Variants in EPB41L4B observed in about 807,000 individuals in gnomAD.
EPB41L4B encodes erythrocyte membrane protein band 4.1 like 4B.
In EPB41L4B, 30 loss-of-function variants were observed where a neutral mutation model predicts 112.5. The observed-to-expected ratio is 0.27, with a 90% confidence interval of 0.20 to 0.36. The LOEUF is 0.36. Ranked by LOEUF, EPB41L4B falls within the 10% of genes least tolerant of loss-of-function variation. The probability of loss-of-function intolerance (pLI) is 1.00; values close to 1 mark genes in which losing one functional copy is unlikely to be tolerated. For missense variants in EPB41L4B, 1,024 were observed against 1,133.3 expected (o/e 0.90, Z 1.38); for synonymous variants, 408 against 439.7 (o/e 0.93, Z 0.90).
intron 1 of EPB41L4B, among the ~76,000 whole-genome samples, 188 bp downstream of exon 1, chr9:109,319,953 G>A (rs1029166908): frequency 6.6e-6 from 1 of 152,142 alleles, no homozygotes; most frequent in Non-Finnish European, 1.5e-5. Flanking sequence ...CCAAAGGTGG[G>A]GCCCCGGAAG....
chr9:109,301,493 G>A (rs905244813), intron 1 of EPB41L4B, among the ~76,000 whole-genome samples: 1 of 152,052 alleles, frequency 6.6e-6, no homozygotes, highest in East Asian at 1.9e-4. Flanking sequence ...AAGTTCCTGG[G>A]AGTCCCCTTC....
At chr9:109,314,228 G>A (rs574259230) in intron 1 of EPB41L4B, among the ~76,000 whole-genome samples, 9 of 152,342 alleles carry the variant, frequency 5.9e-5, no homozygotes, top group East Asian at 3.9e-4. Flanking sequence ...GATGGAACAC[G>A]TGTTTTGAGG....
intron 15 of EPB41L4B, among the ~76,000 whole-genome samples, chr9:109,226,202 T>C (rs1367228551): frequency 6.6e-6 from 1 of 152,130 alleles, no homozygotes; most frequent in Admixed American, 6.5e-5. Context: ...GGCTTTTACA[T>C]AGGTTTGGTC....
At chr9:109,200,878 T>C (rs933211587) in intron 19 of EPB41L4B, among the ~76,000 whole-genome samples, 2 of 152,186 alleles carry the variant, frequency 1.3e-5, no homozygotes, top group Admixed American at 6.5e-5. Flanking sequence ...CATGTATGTG[T>C]GAAAATGCTA....
chr9:109,253,363 T>G, intron 12 of EPB41L4B, 78 bp downstream of exon 12: 1 of 988,394 alleles, frequency 1.0e-6, no homozygotes, highest in Non-Finnish European at 1.6e-6. Flanking sequence ...CTTCATAAGC[T>G]GCTTGACCAA....
chr9:109,284,681 C>T (rs567382755), intron 1 of EPB41L4B, among the ~76,000 whole-genome samples: 1 of 152,308 alleles, frequency 6.6e-6, no homozygotes, highest in East Asian at 1.9e-4. Flanking sequence ...GCACTGAGAT[C>T]GGAGGCGTGA....
chr9:109,321,010 C>T lies in EPB41L4B; in HGVS notation c.-564G>A. 1 of 174,160 alleles carries T rather than the reference C, an allele frequency of 5.7e-6. No individual in the cohort carries two copies. The highest frequency in any genetic ancestry group is 1.2e-5 in the Non-Finnish European group (1 of 85,194). 10.8% of individuals were successfully genotyped at this position (174,160 alleles called of 1,614,324 possible). A position where few individuals can be genotyped will look rare whatever the true frequency, so the allele number is the denominator to read the frequency against. On this transcript the variant is annotated 5_prime_UTR_variant, in exon 1 of 26. Coordinates refer to ENST00000374566, the MANE Select transcript of EPB41L4B (RefSeq NM_019114.5). ...CCCACCTGGGAGGCTGCACCTCCAG[C>T]CGCCGCCGCCGCCGCCGCCGCCGCT...
intron 1 of EPB41L4B, among the ~76,000 whole-genome samples, chr9:109,286,112 C>T (rs1424480150): frequency 2.1e-5 from 3 of 145,954 alleles, no homozygotes; most frequent in East Asian, 4.1e-4. Context: ...ACACAGCAGG[C>T]GCTCCATAAA....
At chr9:109,293,399 T>C (rs1836608321) in intron 1 of EPB41L4B, among the ~76,000 whole-genome samples, 2 of 147,382 alleles carry the variant, frequency 1.4e-5, no homozygotes, top group East Asian at 4.0e-4. Flanking sequence ...TTTTTTTCCT[T>C]GAGACGGAGT....
At chr9:109,238,922 G>T (rs377047670) in intron 15 of EPB41L4B, among the ~76,000 whole-genome samples, 1 of 152,242 alleles carries the variant, frequency 6.6e-6, no homozygotes, top group African/African-American at 2.4e-5. Context: ...ACAGTAGGGT[G>T]AGAAATGGTG....
intron 1 of EPB41L4B, among the ~76,000 whole-genome samples, chr9:109,282,179 C>A (rs1459009383): frequency 6.6e-6 from 1 of 152,162 alleles, no homozygotes; most frequent in Non-Finnish European, 1.5e-5. Flanking sequence ...TTATAAGAAA[C>A]CTCCAAAGGA....
chr9:109,240,443 T>C, intron 15 of EPB41L4B: 41 of 985,416 alleles, frequency 4.2e-5, no homozygotes, highest in Non-Finnish European at 4.8e-5. Context: ...GTCAAACATT[T>C]TTTAGAGGGC....
At chr9:109,315,964 C>T (rs1837619407) in intron 1 of EPB41L4B, among the ~76,000 whole-genome samples, 1 of 151,866 alleles carries the variant, frequency 6.6e-6, no homozygotes, top group African/African-American at 2.4e-5. Flanking sequence ...CTAGAAACTT[C>T]TTCAAATCTT....
At chr9:109,270,862 G>A (rs942039718) in intron 2 of EPB41L4B, among the ~76,000 whole-genome samples, 4 of 152,114 alleles carry the variant, frequency 2.6e-5, no homozygotes, top group Non-Finnish European at 5.9e-5. Context: ...ATCACTTGAG[G>A]AACTTCGAAA....
intron 5 of EPB41L4B, among the ~76,000 whole-genome samples, chr9:109,264,243 A>G (rs1475305171): frequency 1.3e-5 from 2 of 152,230 alleles, no homozygotes; most frequent in Admixed American, 1.3e-4. Context: ...TTCGGAAATT[A>G]CATATTTAAT....
intron 19 of EPB41L4B, among the ~76,000 whole-genome samples, chr9:109,201,358 G>A (rs1832818159): frequency 6.6e-6 from 1 of 151,324 alleles, no homozygotes; most frequent in Admixed American, 6.6e-5. Flanking sequence ...GCTGAGGTGG[G>A]AGGATCACCT....
chr9:109,277,795 G>A (rs1159949784), intron 2 of EPB41L4B, among the ~76,000 whole-genome samples: 1 of 152,174 alleles, frequency 6.6e-6, no homozygotes, highest in African/African-American at 2.4e-5. Flanking sequence ...ACAAAGGGCA[G>A]AAGGAGACCG....
chr9:109,185,713 A>G (rs1832237051), intron 22 of EPB41L4B, 108 bp from the exon 23 acceptor site: 4 of 777,298 alleles, frequency 5.1e-6, no homozygotes, highest in Non-Finnish European at 7.9e-6. Context: ...AGTGCAAGAC[A>G]GATCTGGCAA....
chr9:109,257,867 C>T (rs367820784), intron 7 of EPB41L4B, among the ~76,000 whole-genome samples: 127 of 152,212 alleles, frequency 8.3e-4, no homozygotes, highest in African/African-American at 2.8e-3. Flanking sequence ...TGGTGGTATA[C>T]GCCTATAATC....
Sources: gnomAD v4.1 joint callset for allele counts (sites outside exome capture counted in the v4.1 genomes callset) on GRCh38, gnomAD v4.1.1 for gene constraint, MANE v1.5 for transcripts, NCBI Gene and HGNC (gene_info 2026-07-23, HGNC 2026-07-21) for gene names.